The following ROBO1 variants were observed in gnomAD, a reference collection of about 807,000 sequenced individuals.
ROBO1 encodes roundabout guidance receptor 1, also known as roundabout homolog 1.
Under a neutral mutation model 195.9 loss-of-function variants are expected in ROBO1, and 149 were observed. That is an observed-to-expected ratio of 0.76 (90% confidence interval 0.67 to 0.87). The LOEUF is 0.87. Among genes scored for constraint, ROBO1 ranks in the 40% least tolerant of loss-of-function variants. The probability of loss-of-function intolerance (pLI) is 0.00; values close to 1 mark genes in which losing one functional copy is unlikely to be tolerated. For synonymous variants in ROBO1, 816 were observed against 733.2 expected, an observed-to-expected ratio of 1.11 and a Z score of -1.82; for missense variants, 1,933 against 2,068.3, an observed-to-expected ratio of 0.93 and a Z score of 1.27.
chr3:79,216,947 T>C (rs1425694422), intron 2 of ROBO1, among the ~76,000 whole-genome samples: 1 of 152,042 alleles, frequency 6.6e-6, no homozygotes, highest in Non-Finnish European at 1.5e-5. Context: ...TTTTAAGATA[T>C]CATTAAAGTA....
intron 5 of ROBO1, among the ~76,000 whole-genome samples, chr3:78,734,214 G>A (rs1470811614): frequency 6.6e-6 from 1 of 152,060 alleles, no homozygotes; most frequent in African/African-American, 2.4e-5. Flanking sequence ...GGCAGCATAG[G>A]CATACTTGGT....
intron 2 of ROBO1, among the ~76,000 whole-genome samples, chr3:79,197,938 C>CTCTTTGT (rs2081673277): frequency 6.6e-6 from 1 of 151,156 alleles, no homozygotes; most frequent in African/African-American, 2.4e-5. Context: ...TGGATATTAG[C>CTCTTTGT]CCTTTGTCAG....
At chr3:79,415,999 T>TA (rs1264671682) in intron 2 of ROBO1, among the ~76,000 whole-genome samples, 3 of 151,902 alleles carry the variant, frequency 2.0e-5, no homozygotes, top group Non-Finnish European at 4.4e-5. Flanking sequence ...GGTAAATAAC[T>TA]AAAAAATGTC....
chr3:79,735,876 A>C (rs58163376), intron 1 of ROBO1, among the ~76,000 whole-genome samples: 81,486 of 143,610 alleles, frequency 0.57, 22,664 homozygotes, highest in South Asian at 0.67. Context: ...GTCTCAAAAA[A>C]AAAAAAAAAA....
chr3:79,077,161 G>A (rs541983599), intron 3 of ROBO1, among the ~76,000 whole-genome samples: 2 of 151,958 alleles, frequency 1.3e-5, no homozygotes, highest in South Asian at 2.1e-4. Flanking sequence ...ATAACGGAAC[G>A]TTTTTACTCT....
At chr3:78,622,178 T>C (rs538442479) in intron 26 of ROBO1, among the ~76,000 whole-genome samples, 2 of 152,288 alleles carry the variant, frequency 1.3e-5, no homozygotes, top group African/African-American at 4.8e-5. Context: ...TCACCTAGTT[T>C]ACCCAGTTTT....
chr3:79,233,357 T>A (rs2082352676), intron 2 of ROBO1, among the ~76,000 whole-genome samples: 1 of 152,138 alleles, frequency 6.6e-6, no homozygotes, highest in African/African-American at 2.4e-5. Context: ...AGAACACCAA[T>A]AAACTTTGCT....
intron 1 of ROBO1, among the ~76,000 whole-genome samples, chr3:79,744,145 G>A (rs1401234410): frequency 1.3e-5 from 2 of 152,068 alleles, no homozygotes; most frequent in African/African-American, 4.8e-5. Context: ...ATAAACAAGT[G>A]AGTAATGTTA....
At chr3:78,915,212 A>G (rs756097656) in intron 4 of ROBO1, among the ~76,000 whole-genome samples, 1 of 152,216 alleles carries the variant, frequency 6.6e-6, no homozygotes. Context: ...GTTTAGATTC[A>G]GACTTACCTA....
At chr3:78,672,594 CAA>C (rs368446414) in intron 10 of ROBO1, among the ~76,000 whole-genome samples, 35 of 73,924 alleles carry the variant, frequency 4.7e-4, no homozygotes, top group African/African-American at 1.1e-3. Flanking sequence ...GACCCTGTCT[CAA>C]AAAAAAAAAA....
intron 1 of ROBO1, among the ~76,000 whole-genome samples, chr3:79,651,013 T>A (rs545736968): frequency 1.3e-3 from 205 of 152,236 alleles, no homozygotes; most frequent in Non-Finnish European, 2.5e-3. Flanking sequence ...TTTGGGCTAA[T>A]TTTTAGAATT....
At chr3:79,217,038 G>C (rs1006929665) in intron 2 of ROBO1, among the ~76,000 whole-genome samples, 13 of 152,030 alleles carry the variant, frequency 8.6e-5, no homozygotes, top group African/African-American at 2.7e-4. Flanking sequence ...CCATTTGTCA[G>C]CAGGAAACAC....
At position 78,809,199 on chromosome 3, in the gene ROBO1, T is replaced by C. The variant is rs549347179; in HGVS notation, c.500-62299A>G. 2.9e-3 allele frequency among the ~76,000 whole-genome samples: 435 copies of C among 151,876 alleles called. 3 individuals carry two copies. Among genetic ancestry groups the C allele is most frequent in the African/African-American group, 9.9e-3 (410 of 41,468 alleles). On this transcript the variant is annotated intron_variant, in intron 4 of 30. Transcript: ENST00000464233. ...GGGCAAAGGATATAAACAGACACTT[T>C]TCAAAAGAAGATATTTATGTGACCA...
At chr3:79,722,921 T>C (rs1702765081) in intron 1 of ROBO1, among the ~76,000 whole-genome samples, 1 of 152,154 alleles carries the variant, frequency 6.6e-6, no homozygotes, top group Admixed American at 6.5e-5. Flanking sequence ...ACCAGTGACT[T>C]TACGTATAAT....
At position 79,626,468 on chromosome 3, in the gene ROBO1, C is replaced by T. The variant is rs549767020; in HGVS notation, c.-50-36507G>A. Among the ~76,000 whole-genome samples the T allele has an allele frequency of 1.3e-4, 20 of 152,154 alleles. No homozygotes were observed. In the South Asian group the frequency reaches 4.2e-3, roughly 32 times the overall value. On this transcript the variant is annotated intron_variant, in intron 1 of 30. Coordinates refer to ENST00000464233, the MANE Select transcript of ROBO1 (RefSeq NM_002941.4). ...AACAAAAACAAAAACAAAAAAACCT[C>T]TCAATAAACTAGGTATTGATGGACC...
At chr3:79,563,063 A>G (rs1467806314) in intron 2 of ROBO1, among the ~76,000 whole-genome samples, 1 of 152,036 alleles carries the variant, frequency 6.6e-6, no homozygotes, top group East Asian at 1.9e-4. Flanking sequence ...TATCCTTGGA[A>G]CACACATATG....
In ROBO1 at chr3:79,400,115, G is replaced by A. The variant is rs180758409; in HGVS notation, c.88+189709C>T. ...AAATTTACTTCAAAATATGGTAAAT[G>A]TGAGTTCTCAGCCAAACTATTAAAT... On this transcript the variant is annotated intron_variant, in intron 2 of 30. Coordinates refer to ENST00000464233, the MANE Select transcript of ROBO1 (RefSeq NM_002941.4). Among the ~76,000 whole-genome samples, 18 of 152,218 alleles carry A rather than the reference G, an allele frequency of 1.2e-4. No homozygotes were observed. In the East Asian group the frequency reaches 3.3e-3, roughly 28 times the overall value.
chr3:78,737,058 T>C (rs956107943), intron 5 of ROBO1, among the ~76,000 whole-genome samples: 1 of 152,192 alleles, frequency 6.6e-6, no homozygotes, highest in Non-Finnish European at 1.5e-5. Flanking sequence ...AGAATTCTCC[T>C]GTGGAATAAC....
intron 2 of ROBO1, among the ~76,000 whole-genome samples, chr3:79,502,742 A>G (rs1250980319): frequency 3.3e-5 from 5 of 150,106 alleles, no homozygotes; most frequent in Non-Finnish European, 7.4e-5. Context: ...TAAACACACC[A>G]ATCAGCACCC....
Sources: gnomAD v4.1 joint callset for allele counts (sites outside exome capture counted in the v4.1 genomes callset) on GRCh38, gnomAD v4.1.1 for gene constraint, MANE v1.5 for transcripts, NCBI Gene and HGNC (gene_info 2026-07-23, HGNC 2026-07-21) for gene names.